DDI2: variants seen among roughly 807,000 people sequenced by gnomAD.
DDI2 encodes protein DDI1 homolog 2.
DDI2 carries 5 observed loss-of-function variants against 48.1 expected under a neutral mutation model. The ratio of observed to expected loss-of-function variants is 0.10; its 90% CI spans 0.05 to 0.22. The LOEUF (loss-of-function observed/expected upper bound fraction) is 0.22. DDI2 is among the 10% of genes least tolerant of loss of function. The probability of loss-of-function intolerance (pLI) is 1.00; values close to 1 mark genes in which losing one functional copy is unlikely to be tolerated. For missense variants in DDI2, 285 were observed against 506.2 expected, an observed-to-expected ratio of 0.56 and a Z score of 4.19; for synonymous variants, 205 against 183.6, an observed-to-expected ratio of 1.12 and a Z score of -0.94.
At position 15,668,656 on chromosome 1, in the gene DDI2, G is replaced by A. The variant is rs780631729; in HGVS notation, c.*8866G>A. The A allele has an allele frequency of 3.3e-5, 5 of 152,164 alleles. No homozygotes were observed. Among genetic ancestry groups the A allele is most frequent in the Non-Finnish European group, 7.4e-5 (5 of 68,020 alleles). 9.4% of individuals were successfully genotyped at this position (152,164 alleles called of 1,614,324 possible). A position where few individuals can be genotyped will look rare whatever the true frequency, so the allele number is the denominator to read the frequency against. ...TCTTGCAGTTACTCTTGTATTGCAA[G>A]ATTTTCTGACTTTAAGCTTTGAGAC... is the stretch of plus-strand genomic sequence containing the variant. On this transcript the variant is annotated 3_prime_UTR_variant, in exon 10 of 10. Transcript: ENST00000480945.
At chr1:15,648,464 G>C (rs1286563441) in intron 6 of DDI2, among the ~76,000 whole-genome samples, 1 of 152,166 alleles carries the variant, frequency 6.6e-6, no homozygotes, top group African/African-American at 2.4e-5. Flanking sequence ...CAAAATCCTG[G>C]TAGATTTTTT....
At chr1:15,637,035 C>T (rs770069180) in intron 4 of DDI2, among the ~76,000 whole-genome samples, 3 of 152,142 alleles carry the variant, frequency 2.0e-5, no homozygotes, top group Non-Finnish European at 4.4e-5. Flanking sequence ...GTTGCCCAAC[C>T]GCTGACCTAG....
At chr1:15,622,602 G>A (rs1639683302) in intron 1 of DDI2, among the ~76,000 whole-genome samples, 1 of 151,964 alleles carries the variant, frequency 6.6e-6, no homozygotes, top group Admixed American at 6.6e-5. Context: ...CTTGAATTTT[G>A]GGCTTTGTAG....
In DDI2 at chr1:15,663,973, A is replaced by G. The variant is rs1022145946; in HGVS notation, c.*4183A>G. The G allele has an allele frequency of 2.6e-5, 4 of 152,166 alleles. No homozygotes were observed. The highest frequency in any genetic ancestry group is 1.5e-5 in the Non-Finnish European group (1 of 68,040). 9.4% of individuals were successfully genotyped at this position (152,166 alleles called of 1,614,324 possible). On this transcript the variant is annotated 3_prime_UTR_variant, in exon 10 of 10. Coordinates refer to ENST00000480945, the MANE Select transcript of DDI2 (RefSeq NM_032341.5). ...GATAGCTTTTTGTGTATGTATATGT[A>G]TATTTATTTTTAGGAATAGATCTAT...
At position 15,661,652 on chromosome 1, in the gene DDI2, A is replaced by C. The variant is rs143843633; in HGVS notation, c.*1862A>C. The C allele has an allele frequency of 5.0e-6, 8 of 1,614,166 alleles. No homozygotes were observed. Among genetic ancestry groups the C allele is most frequent in the Non-Finnish European group, 6.8e-6 (8 of 1,180,034 alleles). On this transcript the variant is annotated 3_prime_UTR_variant, in exon 10 of 10. Coordinates refer to ENST00000480945, the MANE Select transcript of DDI2 (RefSeq NM_032341.5). ...TTGCAGGAAGCTCTTGGAGCTTTGC[A>C]TCGAGTTGGTGGGAATGCAGACCTT...
intron 4 of DDI2, among the ~76,000 whole-genome samples, chr1:15,636,971 T>C (rs937918380): frequency 1.3e-5 from 2 of 152,224 alleles, no homozygotes; most frequent in Non-Finnish European, 2.9e-5. Context: ...ATTTACAGTG[T>C]AGGTTATCCC....
chr1:15,659,942 A>C lies in DDI2; in HGVS notation c.*152A>C. On this transcript the variant is annotated 3_prime_UTR_variant, in exon 10 of 10. Transcript: ENST00000480945. ...TCAGGACAGAGTCCTGATGTTGGTAATCCTATGAGTCTTGCTCGCTCTGTC... is the reference window on the plus strand; with the variant it reads ...TCAGGACAGAGTCCTGATGTTGGTACTCCTATGAGTCTTGCTCGCTCTGTC... The C allele has an allele frequency of 1.2e-6, 2 of 1,613,746 alleles. No homozygotes were observed. The highest frequency in any genetic ancestry group is 1.7e-6 in the Non-Finnish European group (2 of 1,179,910).
chr1:15,649,636 A>G (rs1640148012), intron 6 of DDI2, 84 bp from the exon 7 acceptor site: 2 of 1,379,436 alleles, frequency 1.4e-6, no homozygotes, highest in African/African-American at 1.5e-5. Context: ...ATGCCATTGC[A>G]CTCCAGCCTG....
At chr1:15,634,953 G>A (rs1284029579) in intron 4 of DDI2, among the ~76,000 whole-genome samples, 1 of 152,084 alleles carries the variant, frequency 6.6e-6, no homozygotes, top group Non-Finnish European at 1.5e-5. Context: ...TACTACATTT[G>A]AAATCAGAAA....
rs1356281437 is a variant in DDI2 at position 15,630,724 on chromosome 1, T to G, written c.505+163T>G. ...TTAGTGCTAAAGTCAAAGGCTGAGT[T>G]ACTTGGAAACAGCAATAGAGTTTTA... is the stretch of plus-strand genomic sequence containing the variant. On this transcript the variant is annotated intron_variant, in intron 3 of 9. Transcript: ENST00000480945. 2.0e-5 allele frequency among the ~76,000 whole-genome samples: 3 copies of G among 152,258 alleles called. No individual in the cohort carries two copies. The East Asian group carries it at 5.8e-4, about 29-fold the overall frequency.
intron 8 of DDI2, among the ~76,000 whole-genome samples, chr1:15,655,752 CAA>C (rs111602583): frequency 4.0e-4 from 46 of 115,920 alleles, no homozygotes; most frequent in Non-Finnish European, 3.9e-4. Flanking sequence ...GACTCCTTCT[CAA>C]AAAAAAAAAA....
chr1:15,622,785 G>T (rs907799384), intron 1 of DDI2, among the ~76,000 whole-genome samples: 3 of 152,114 alleles, frequency 2.0e-5, no homozygotes, highest in Non-Finnish European at 2.9e-5. Flanking sequence ...GTCTTTCTTG[G>T]ACTCTTAAGC....
rs374494090 is a variant in DDI2, at chr1:15,660,598, A to T, written c.*808A>T. On this transcript the variant is annotated 3_prime_UTR_variant, in exon 10 of 10. Transcript: ENST00000480945. The stretch of plus-strand genomic sequence containing the variant: ...ATCTTCAGAATGCAGTGGCTGCTCA[A>T]ATTCAGAAACATTTATGGAAATCGA... 1 of 1,613,984 alleles carries T rather than the reference A, an allele frequency of 6.2e-7. No individual in the cohort carries two copies. Among genetic ancestry groups the T allele is most frequent in the South Asian group, 1.1e-5 (1 of 90,978 alleles).
At chr1:15,628,770 A>G (rs909205860) in intron 2 of DDI2, among the ~76,000 whole-genome samples, 2 of 151,914 alleles carry the variant, frequency 1.3e-5, no homozygotes, top group African/African-American at 4.8e-5. Context: ...TACTATATTC[A>G]TGAGTTGTGT....
At position 15,649,705 on chromosome 1, in the gene DDI2, T is replaced by C; in HGVS notation, c.890-15T>C. ...AGTACGTAACAATAACCTTTTCTCT[T>C]CATGTGCTTTTTAGCTCAGGTTCAG... On this transcript the variant is annotated splice_polypyrimidine_tract_variant and intron_variant, in intron 6 of 9. Transcript: ENST00000480945. 1 of 1,604,998 alleles carries C rather than the reference T, an allele frequency of 6.2e-7. No individual in the cohort carries two copies. The highest frequency in any genetic ancestry group is 8.5e-7 in the Non-Finnish European group (1 of 1,177,012).
chr1:15,656,302 A>G (rs1249331509), intron 8 of DDI2: 1 of 766,770 alleles, frequency 1.3e-6, no homozygotes, highest in Non-Finnish European at 1.8e-6. Context: ...TTAATCACCT[A>G]ATTCGATCAG....
At chr1:15,656,543 A>C in intron 8 of DDI2, 74 bp from the exon 9 acceptor site, 2 of 1,611,816 alleles carry the variant, frequency 1.2e-6, no homozygotes, top group Non-Finnish European at 1.7e-6. Flanking sequence ...AAAAGAACGG[A>C]AACTATAACC....
Position 15,643,646 on chromosome 1 carries a change from T to C in DDI2, c.885T>C (p.His295=), listed in dbSNP as rs781453196. The change falls in exon 6 of 10, where the codon CAT becomes CAC. Residue 295 remains histidine (H), a synonymous_variant. Coordinates refer to ENST00000480945, the MANE Select transcript of DDI2 (RefSeq NM_032341.5). ...VGTQKIIGRV[H]LAQVQIEGDF... is the part of the protein sequence containing the mutation. ...CCCAGAAGATTATTGGAAGGGTACATCTAGGTGAGCAAAAGGCACTGGGGC... is the reference window on the plus strand; with the variant it reads ...CCCAGAAGATTATTGGAAGGGTACACCTAGGTGAGCAAAAGGCACTGGGGC... The C allele has an allele frequency of 6.2e-7, 1 of 1,614,070 alleles. No individual in the cohort carries two copies.
In DDI2 at chr1:15,660,911, C is replaced by T. The variant is rs1258077605; in HGVS notation, c.*1121C>T. On this transcript the variant is annotated 3_prime_UTR_variant, in exon 10 of 10. Transcript: ENST00000480945. ...CCTTCTGTGGAGTCAGCAGAAGAAT[C>T]TTGCCCGTCTATAACGGCAGCCTTG... 5 of 1,613,750 alleles carry T rather than the reference C, an allele frequency of 3.1e-6. No individual in the cohort carries two copies. Among genetic ancestry groups the T allele is most frequent in the Non-Finnish European group, 4.2e-6 (5 of 1,179,962 alleles).
Sources: allele counts gnomAD v4.1 joint callset (sites outside exome capture counted in the v4.1 genomes callset), GRCh38; gene constraint gnomAD v4.1.1; transcripts MANE v1.5; gene names NCBI Gene and HGNC (gene_info 2026-07-23, HGNC 2026-07-21).